Variants in SYNJ2 observed in about 807,000 individuals in gnomAD.
SYNJ2 encodes synaptojanin 2.
Under a neutral mutation model 141.3 loss-of-function variants are expected in SYNJ2, and 116 were observed. That is an observed-to-expected ratio of 0.82 (90% CI 0.71 to 0.96). SYNJ2 has a LOEUF of 0.96. Among genes scored for constraint, SYNJ2 ranks in the 40% least tolerant of loss-of-function variants. The pLI is 0.00. For missense variants in SYNJ2, 1,873 were observed against 1,934.8 expected (o/e 0.97, Z 0.60); for synonymous variants, 745 against 777.7 (o/e 0.96, Z 0.70).
chr6:158,091,657 G>A (rs1783460816), intron 25 of SYNJ2, among the ~76,000 whole-genome samples: 1 of 150,386 alleles, frequency 6.6e-6, no homozygotes, highest in Non-Finnish European at 1.5e-5. Context: ...GGCTGAGGCA[G>A]AAGAATCATT....
chr6:158,052,562 T>C (rs1388159794), intron 5 of SYNJ2, among the ~76,000 whole-genome samples: 1 of 152,176 alleles, frequency 6.6e-6, no homozygotes, highest in African/African-American at 2.4e-5. Context: ...CAGTGTGTCA[T>C]ATGACGAGGG....
In SYNJ2 at chr6:158,096,128, CT is replaced by C; in HGVS notation, c.4257del (p.His1420ThrfsTer6). 3 of 1,614,258 alleles carry C rather than the reference CT, an allele frequency of 1.9e-6. No individual in the cohort carries two copies. The highest frequency in any genetic ancestry group is 2.5e-6 in the Non-Finnish European group (3 of 1,180,044). ...GDYQDPFWNL[L>X]HHPKLLNNTW... is the part of the protein sequence containing the mutation. ...TTATCAGGACCCCTTCTGGAACCTT[CT>C]TCACCACCCTAAACTGTTGAATAAC... On this transcript the variant is annotated frameshift_variant, in exon 27 of 27. Transcript: ENST00000355585. LOFTEE classifies it low-confidence loss of function (END_TRUNC).
Position 158,043,948 on chromosome 6 carries a change from G to A in SYNJ2, c.795+549G>A, listed in dbSNP as rs1024594073. Among the ~76,000 whole-genome samples the A allele has an allele frequency of 6.6e-6, 1 of 152,212 alleles. No homozygotes were observed. Among genetic ancestry groups the A allele is most frequent in the Non-Finnish European group, 1.5e-5 (1 of 68,038 alleles). On this transcript the variant is annotated intron_variant, in intron 5 of 26. Transcript: ENST00000355585. This position sits in a 1 kb window ranked among gnomAD's most constrained non-coding sequence, Gnocchi z 4.0. ...GATTTGGCATTCTTTCTCCTGGGAA[G>A]AGCACAGGGTGGGGACACATTCCAA... is the stretch of plus-strand genomic sequence containing the variant.
rs1294142790 is a variant in SYNJ2, at chr6:158,081,632, TTTTC to T, written c.2865+124_2865+127del. Reference sequence around the variant, plus strand: ...TTTTTTTTTTTTTTTTTTTTTTTTTTTTTCTCTGAGACAAAGTCTTGCTCTGTCA... The same window carrying T: ...TTTTTTTTTTTTTTTTTTTTTTTTTTTCTGAGACAAAGTCTTGCTCTGTCA... On this transcript the variant is annotated intron_variant, in intron 20 of 26. Transcript: ENST00000355585. 4.7e-3 allele frequency: 1,328 copies of T among 281,058 alleles called. 67 individuals are homozygous for T. The highest frequency in any genetic ancestry group is 6.6e-3 in the South Asian group (250 of 37,950). 17.4% of individuals were successfully genotyped at this position (281,058 alleles called of 1,614,324 possible). A position where few individuals can be genotyped will look rare whatever the true frequency, so the allele number is the denominator to read the frequency against.
chr6:158,089,415 A>C (rs1042018454), intron 24 of SYNJ2, among the ~76,000 whole-genome samples: 2 of 152,154 alleles, frequency 1.3e-5, no homozygotes, highest in Non-Finnish European at 2.9e-5. Context: ...ACTGGAGGCC[A>C]GTGTTTTACA....
chr6:158,041,625 A>G (rs1033111326), intron 4 of SYNJ2, among the ~76,000 whole-genome samples: 1 of 152,194 alleles, frequency 6.6e-6, no homozygotes, highest in South Asian at 2.1e-4. Context: ...GCCTGATGTG[A>G]TGCTGGAAGT....
chr6:158,028,747 C>T lies in SYNJ2; in HGVS notation c.215-9C>T. 6.2e-7 allele frequency: 1 copy of T among 1,613,112 alleles called. No homozygotes were observed. Among genetic ancestry groups the T allele is most frequent in the Non-Finnish European group, 8.5e-7 (1 of 1,179,252 alleles). On this transcript the variant is annotated splice_polypyrimidine_tract_variant and intron_variant, in intron 2 of 26. Coordinates refer to ENST00000355585, the MANE Select transcript of SYNJ2 (RefSeq NM_003898.4). ...GACCCTGAGCTCTCCTGTCTGATTT[C>T]CTTTCCAGGTGGCACGTCTCTGAGC...
chr6:158,009,785 C>G (rs1189487836), intron 1 of SYNJ2, among the ~76,000 whole-genome samples: 1 of 152,222 alleles, frequency 6.6e-6, no homozygotes, highest in African/African-American at 2.4e-5. Context: ...TGGTTGCCAG[C>G]ACTGGAAGGT....
chr6:157,986,189 C>T (rs527684928), intron 1 of SYNJ2, among the ~76,000 whole-genome samples: 2 of 152,244 alleles, frequency 1.3e-5, no homozygotes, highest in South Asian at 2.1e-4. Context: ...GCAAGGGTTC[C>T]GGGGCCCCTG....
chr6:158,087,167 G>A (rs1227984467), intron 23 of SYNJ2, among the ~76,000 whole-genome samples, 178 bp downstream of exon 23: 1 of 152,190 alleles, frequency 6.6e-6, no homozygotes, highest in African/African-American at 2.4e-5. Context: ...GTCAGGGCTG[G>A]TTGTGTTTCT....
At position 158,040,873 on chromosome 6, in the gene SYNJ2, A is replaced by G. The variant is rs141740453; in HGVS notation, c.712-2443A>G. On this transcript the variant is annotated intron_variant, in intron 4 of 26. Coordinates refer to ENST00000355585, the MANE Select transcript of SYNJ2 (RefSeq NM_003898.4). This position sits in a 1 kb window ranked among gnomAD's most constrained non-coding sequence, Gnocchi z 4.2. ...ATCACAGCACTGGCACGGGCCTCCG[A>G]CTTTTCTTCCCGTGGCCCCACTGCT... is the stretch of plus-strand genomic sequence containing the variant. Among the ~76,000 whole-genome samples, 1 of 152,168 alleles carries G rather than the reference A, an allele frequency of 6.6e-6. No individual in the cohort carries two copies. The highest frequency in any genetic ancestry group is 1.5e-5 in the Non-Finnish European group (1 of 67,982).
chr6:158,027,270 G>T lies in SYNJ2; in HGVS notation c.215-1486G>T. 1 of 907,804 alleles carries T rather than the reference G, an allele frequency of 1.1e-6. No homozygotes were observed. The highest frequency in any genetic ancestry group is 1.3e-6 in the Non-Finnish European group (1 of 759,422). The allele number at this position is 907,804 out of a possible 1,614,324, so 56.2% of individuals were successfully genotyped here. ...TCTCCAGACCATGGCTGTAGACAGC[G>T]GCCCTTGATCATTCACAGAAGATCT... is the stretch of plus-strand genomic sequence containing the variant. On this transcript the variant is annotated intron_variant, in intron 2 of 26. Coordinates refer to ENST00000355585, the MANE Select transcript of SYNJ2 (RefSeq NM_003898.4). The surrounding 1 kb of genome is among the most constrained non-coding windows in gnomAD (Gnocchi z 4.6).
chr6:157,993,634 C>T (rs1777530790), intron 1 of SYNJ2, among the ~76,000 whole-genome samples: 4 of 150,974 alleles, frequency 2.6e-5, no homozygotes, highest in African/African-American at 9.8e-5. Flanking sequence ...GAGGTCTTTC[C>T]CAATGTTTTA....
intron 25 of SYNJ2, 92 bp from the exon 26 acceptor site, chr6:158,092,834 A>T: frequency 1.7e-6 from 2 of 1,208,174 alleles, no homozygotes; most frequent in Middle Eastern, 2.1e-4. Flanking sequence ...TGAATTAGTA[A>T]ATGACACTTA....
intron 1 of SYNJ2, among the ~76,000 whole-genome samples, chr6:158,003,107 G>T (rs986543908): frequency 6.6e-6 from 1 of 152,206 alleles, no homozygotes; most frequent in African/African-American, 2.4e-5. Flanking sequence ...AAACTTTCTT[G>T]TATTTTCTCT....
Position 158,071,479 on chromosome 6 carries a change from CT to C in SYNJ2, c.1941-122del. 1.8e-6 allele frequency: 2 copies of C among 1,141,480 alleles called. No homozygotes were observed. Among genetic ancestry groups the C allele is most frequent in the South Asian group, 3.1e-5 (2 of 65,280 alleles). The allele number at this position is 1,141,480 out of a possible 1,614,324, so 70.7% of individuals were successfully genotyped here. On this transcript the variant is annotated intron_variant, in intron 14 of 26. Coordinates refer to ENST00000355585, the MANE Select transcript of SYNJ2 (RefSeq NM_003898.4). This position sits in a 1 kb window ranked among gnomAD's most constrained non-coding sequence, Gnocchi z 4.3. The stretch of plus-strand genomic sequence containing the variant: ...CGGCCACGGTGGCCACTGTGTTGAG[CT>C]GATGATTTTGGAGCACTCAGAGCAG...
chr6:158,036,942 G>C (rs892087449), intron 4 of SYNJ2, among the ~76,000 whole-genome samples: 3 of 152,078 alleles, frequency 2.0e-5, no homozygotes, highest in Non-Finnish European at 4.4e-5. Context: ...TTAAAATACT[G>C]GTTTTGGATT....
Position 158,033,527 on chromosome 6 carries a change from CG to C in SYNJ2, c.562del (p.Val188TrpfsTer36). 6.2e-7 allele frequency: 1 copy of C among 1,614,210 alleles called. No homozygotes were observed. The highest frequency in any genetic ancestry group is 8.5e-7 in the Non-Finnish European group (1 of 1,180,054). ...GTGACTGGCTGCTGAAGATCATCTG[CG>C]GGGTGGTCACCATCCGCACCGTGTA... ...CCDWLLKIIC[G>X]VVTIRTVYAS... On this transcript the variant is annotated frameshift_variant, in exon 4 of 27. Transcript: ENST00000355585. LOFTEE classifies it high-confidence loss of function.
intron 17 of SYNJ2, among the ~76,000 whole-genome samples, chr6:158,077,473 T>G (rs1029995760): frequency 1.3e-5 from 2 of 152,186 alleles, no homozygotes; most frequent in African/African-American, 2.4e-5. Context: ...CAGCCTATTT[T>G]GTTCAGCTAC....
Sources: gnomAD v4.1 joint callset for allele counts (sites outside exome capture counted in the v4.1 genomes callset) on GRCh38, gnomAD v4.1.1 for gene constraint, Gnocchi (gnomAD v3.1) non-coding constraint, MANE v1.5 for transcripts, NCBI Gene and HGNC (gene_info 2026-07-23, HGNC 2026-07-21) for gene names.